Variants in LRP1 observed in about 807,000 individuals in gnomAD.
The protein encoded by LRP1 is LDL receptor related protein 1, also known as prolow-density lipoprotein receptor-related protein 1.
Under a neutral mutation model 541.5 loss-of-function variants are expected in LRP1, and 51 were observed. The observed-to-expected ratio is 0.09, with a 90% CI of 0.08 to 0.12. The LOEUF is 0.12. LRP1 is among the 10% of genes least tolerant of loss of function. LRP1 has a pLI of 1.00. For synonymous variants in LRP1, 2,219 were observed against 2,470.8 expected (o/e 0.90, Z 3.02); for missense variants, 3,878 against 6,376.2 (o/e 0.61, Z 13.34).
In LRP1 at chr12:57,212,484, G is replaced by A. The variant is rs138665231; in HGVS notation, c.13564G>A (p.Ala4522Thr). The change falls in exon 89 of 89, where the codon GCC becomes ACC. Residue 4522 changes from alanine to threonine, a missense_variant. Ala to Thr is a moderately conservative substitution (Grantham distance 58, BLOSUM62 0). Coordinates refer to ENST00000243077, the MANE Select transcript of LRP1 (RefSeq NM_002332.3). This position sits in a 1 kb window ranked among gnomAD's most constrained non-coding sequence, Gnocchi z 5.0. ...MGGHGSRHSLASTDEKRELLG... is the reference protein window; with the variant it reads ...MGGHGSRHSLTSTDEKRELLG... ...GGGCCATGGCAGTCGCCACTCCCTG[G>A]CCAGCACGGACGAGAAGCGAGAACT... 3 of 1,614,068 alleles carry A rather than the reference G, an allele frequency of 1.9e-6. No individual in the cohort carries two copies. Among genetic ancestry groups the A allele is most frequent in the Non-Finnish European group, 1.7e-6 (2 of 1,179,986 alleles).
chr12:57,175,814 C>T, intron 23 of LRP1, 95 bp from the exon 24 acceptor site: 1 of 1,567,102 alleles, frequency 6.4e-7, no homozygotes, highest in Non-Finnish European at 8.7e-7. Context: ...CCCTAGCCCC[C>T]AGTGCCCGGA....
In LRP1 at chr12:57,187,416, G is replaced by C; in HGVS notation, c.6991G>C (p.Asp2331His). The change falls in exon 42 of 89, where the codon GAT (aspartate) becomes CAT (histidine). Residue 2331 changes from aspartate (D) to histidine (H), a missense_variant. Asp to His is a moderately conservative substitution (Grantham distance 81, BLOSUM62 -1). Around this residue, in one of 13 missense-constraint regions of LRP1, gnomAD observed 1,100 missense variants for 1,827.4 expected, o/e 0.60. Transcript: ENST00000243077. ...TGAGACCGTCATCACTATGTCTGGA[G>C]ATGACCACCCACGGGCCTTCGTTTT... is the stretch of plus-strand genomic sequence containing the variant. ...ERETVITMSG[D>H]DHPRAFVLDE... 1 of 1,614,148 alleles carries C rather than the reference G, an allele frequency of 6.2e-7. No individual in the cohort carries two copies. Among genetic ancestry groups the C allele is most frequent in the South Asian group, 1.1e-5 (1 of 91,080 alleles).
Position 57,158,499 on chromosome 12 carries a change from C to A in LRP1, c.1659C>A (p.Ile553=). 6.2e-7 allele frequency: 1 copy of A among 1,614,194 alleles called. No individual in the cohort carries two copies. The highest frequency in any genetic ancestry group is 1.6e-4 in the Middle Eastern group (1 of 6,062). Reference sequence around the variant, plus strand: ...CCAAGGTCCCGGATGAGCACATGATCCCCATTGAAAACCTCATGAACCCCC... The same window carrying A: ...CCAAGGTCCCGGATGAGCACATGATACCCATTGAAAACCTCATGAACCCCC... The part of the protein sequence containing the change: ...MGAKVPDEHM[I]PIENLMNPRA... Residue 553 remains isoleucine (I), a synonymous_variant, in exon 11 of 89, where the codon ATC becomes ATA. Coordinates refer to ENST00000243077, the MANE Select transcript of LRP1 (RefSeq NM_002332.3). The surrounding 1 kb of genome is among the most constrained non-coding windows in gnomAD (Gnocchi z 5.3).
In LRP1 at chr12:57,156,047, G is replaced by T. The variant is rs1485476706; in HGVS notation, c.1228-47G>T. 1 of 1,512,284 alleles carries T rather than the reference G, an allele frequency of 6.6e-7. No homozygotes were observed. Among genetic ancestry groups the T allele is most frequent in the Non-Finnish European group, 9.1e-7 (1 of 1,095,742 alleles). The allele number at this position is 1,512,284 out of a possible 1,614,324, so 93.7% of individuals were successfully genotyped here. ...TGAGGGGATCTCCAGGACAGAGGGA[G>T]GAACCCCTGTCATCTCATGCTGTCC... On this transcript the variant is annotated intron_variant, in intron 8 of 88. Transcript: ENST00000243077. This position sits in a 1 kb window ranked among gnomAD's most constrained non-coding sequence, Gnocchi z 5.2.
intron 17 of LRP1, 123 bp from the exon 18 acceptor site, chr12:57,166,807 C>G: frequency 2.9e-6 from 2 of 683,942 alleles, no homozygotes; most frequent in Non-Finnish European, 5.3e-6. Context: ...TTTGAATTCT[C>G]TAAGAGAAAT....
Position 57,154,136 on chromosome 12 carries a change from C to A in LRP1, c.842-72C>A. On this transcript the variant is annotated intron_variant, in intron 6 of 88. Transcript: ENST00000243077. This position sits in a 1 kb window ranked among gnomAD's most constrained non-coding sequence, Gnocchi z 4.6. ...AGGTGGGCTTCCAGGTGTGGGTTCT[C>A]ACCAGCAAAGGGTGGGCATCTCTGC... The A allele has an allele frequency of 6.8e-7, 1 of 1,473,668 alleles. No homozygotes were observed. Among genetic ancestry groups the A allele is most frequent in the Non-Finnish European group, 9.4e-7 (1 of 1,069,362 alleles). The allele number at this position is 1,473,668 out of a possible 1,614,324, so 91.3% of individuals were successfully genotyped here.
In LRP1 at chr12:57,190,988, G is replaced by T; in HGVS notation, c.7215G>T (p.Glu2405Asp). The T allele has an allele frequency of 6.2e-7, 1 of 1,611,556 alleles. No individual in the cohort carries two copies. Among genetic ancestry groups the T allele is most frequent in the South Asian group, 1.1e-5 (1 of 91,052 alleles). The stretch of plus-strand genomic sequence containing the variant: ...CCCTGGACAAGATCGAGCGGTGCGA[G>T]TATGACGGCTCCCACCGCTATGTGA... ...DATLDKIERC[E>D]YDGSHRYVIL... The change falls in exon 43 of 89, where the codon GAG becomes GAT. Residue 2405 changes from glutamate (E) to aspartate (D), a missense_variant. This residue lies in a region of LRP1 where 1,100 missense variants were observed against 1,827.4 expected (regional missense o/e 0.60). Transcript: ENST00000243077.
chr12:57,153,232 G>A (rs2035558408), intron 6 of LRP1, among the ~76,000 whole-genome samples: 1 of 152,040 alleles, frequency 6.6e-6, no homozygotes, highest in African/African-American at 2.4e-5. Flanking sequence ...ATGGAAGGAA[G>A]CCAGTGGTCC....
In LRP1 at chr12:57,197,774, T is replaced by A; in HGVS notation, c.9282+110T>A. On this transcript the variant is annotated intron_variant, in intron 58 of 88. Transcript: ENST00000243077. The surrounding 1 kb of genome is among the most constrained non-coding windows in gnomAD (Gnocchi z 4.5). ...CCAAATTGCTTCCTTCTCACTCCAC[T>A]AGTCACTATATGACTGCTTGTTCTA... The A allele has an allele frequency of 7.9e-7, 1 of 1,260,356 alleles. No individual in the cohort carries two copies. The highest frequency in any genetic ancestry group is 1.1e-6 in the Non-Finnish European group (1 of 903,274). 78.1% of individuals were successfully genotyped at this position (1,260,356 alleles called of 1,614,324 possible). A position where few individuals can be genotyped will look rare whatever the true frequency, so the allele number is the denominator to read the frequency against.
In LRP1 at chr12:57,184,759, C is replaced by T; in HGVS notation, c.6187-80C>T. 6.7e-7 allele frequency: 1 copy of T among 1,490,714 alleles called. No homozygotes were observed. Among genetic ancestry groups the T allele is most frequent in the African/African-American group, 1.4e-5 (1 of 72,566 alleles). The allele number at this position is 1,490,714 out of a possible 1,614,324, so 92.3% of individuals were successfully genotyped here. A position where few individuals can be genotyped will look rare whatever the true frequency, so the allele number is the denominator to read the frequency against. On this transcript the variant is annotated intron_variant, in intron 38 of 88. Coordinates refer to ENST00000243077, the MANE Select transcript of LRP1 (RefSeq NM_002332.3). This position sits in a 1 kb window ranked among gnomAD's most constrained non-coding sequence, Gnocchi z 7.8. ...CTGAACTGAGGGCCTCACTCTGGCC[C>T]AGGCACTCCCTGCTGCCCCAGACAT...
rs2036957239 is a variant in LRP1, at chr12:57,213,252, G to A, written c.*697G>A. On this transcript the variant is annotated 3_prime_UTR_variant, in exon 89 of 89. Coordinates refer to ENST00000243077, the MANE Select transcript of LRP1 (RefSeq NM_002332.3). Reference sequence around the variant, plus strand: ...CACACCCAGGAAGGGAAAGCGGGCAGCCCCGTTTTGGGGACGTGAACGTTT... The same window carrying A: ...CACACCCAGGAAGGGAAAGCGGGCAACCCCGTTTTGGGGACGTGAACGTTT... 1 of 149,976 alleles carries A rather than the reference G, an allele frequency of 6.7e-6. No homozygotes were observed. Among genetic ancestry groups the A allele is most frequent in the Non-Finnish European group, 1.5e-5 (1 of 67,852 alleles). The allele number at this position is 149,976 out of a possible 1,614,324, so 9.3% of individuals were successfully genotyped here.
rs1335852678 is a variant in LRP1 at position 57,213,361 on chromosome 12, A to G, written c.*806A>G. 3.7e-5 allele frequency: 2 copies of G among 54,382 alleles called. No homozygotes were observed. Among genetic ancestry groups the G allele is most frequent in the Admixed American group, 3.4e-4 (1 of 2,974 alleles). The allele number at this position is 54,382 out of a possible 1,614,324, so 3.4% of individuals were successfully genotyped here. On this transcript the variant is annotated 3_prime_UTR_variant, in exon 89 of 89. Coordinates refer to ENST00000243077, the MANE Select transcript of LRP1 (RefSeq NM_002332.3). ...ATTGTAAAAAAAAAAAAAAAAAAAA[A>G]GGCCAAAAAAAAAAAAAAGAAAGAA...
intron 19 of LRP1, 145 bp from the exon 20 acceptor site, chr12:57,168,995 G>A (rs2035891650): frequency 1.5e-6 from 1 of 689,398 alleles, no homozygotes; most frequent in South Asian, 1.8e-5. Flanking sequence ...TGCAGTTTCT[G>A]TGTCTTTTCT....
chr12:57,185,897 C>A lies in LRP1; in HGVS notation c.6830C>A (p.Thr2277Asn). Residue 2277 changes from threonine to asparagine, a missense_variant, in exon 41 of 89, where the codon ACC (threonine) becomes AAC (asparagine). Thr to Asn is a moderately conservative substitution (Grantham distance 65, BLOSUM62 0). This residue lies in a region of LRP1 where 1,100 missense variants were observed against 1,827.4 expected (regional missense o/e 0.60). Coordinates refer to ENST00000243077, the MANE Select transcript of LRP1 (RefSeq NM_002332.3). The surrounding 1 kb of genome is among the most constrained non-coding windows in gnomAD (Gnocchi z 4.9). ...QINDDGSRRI[T>N]IVENVGSVEG... Reference sequence around the variant, plus strand: ...AACGACGATGGCTCCAGGAGGATCACCATTGTGGAAAGTGAGCCCAGACCC... The same window carrying A: ...AACGACGATGGCTCCAGGAGGATCAACATTGTGGAAAGTGAGCCCAGACCC... The A allele has an allele frequency of 6.2e-7, 1 of 1,612,658 alleles. No individual in the cohort carries two copies. The highest frequency in any genetic ancestry group is 8.5e-7 in the Non-Finnish European group (1 of 1,178,966).
At chr12:57,193,099 A>G (rs887071564) in intron 45 of LRP1, 77 bp from the exon 46 acceptor site, 18 of 1,592,810 alleles carry the variant, frequency 1.1e-5, no homozygotes, top group Middle Eastern at 1.7e-4. Flanking sequence ...TGATGACCTC[A>G]GCTCCCCGGG....
At position 57,173,212 on chromosome 12, in the gene LRP1, C is replaced by A; in HGVS notation, c.3208C>A (p.Arg1070=). The change falls in exon 21 of 89, where the codon CGG becomes AGG. Residue 1070 remains arginine (R), a synonymous_variant. Coordinates refer to ENST00000243077, the MANE Select transcript of LRP1 (RefSeq NM_002332.3). The surrounding 1 kb of genome is among the most constrained non-coding windows in gnomAD (Gnocchi z 4.7). ...CTGCCACACTGATGAGTTCCAGTGC[C>A]GGCTGGATGGACTATGCATCCCCCT... ...GGCHTDEFQC[R]LDGLCIPLRW... is the part of the protein sequence containing the mutation. 6.2e-7 allele frequency: 1 copy of A among 1,613,682 alleles called. No individual in the cohort carries two copies. Among genetic ancestry groups the A allele is most frequent in the Non-Finnish European group, 8.5e-7 (1 of 1,179,886 alleles).
intron 67 of LRP1, 121 bp from the exon 68 acceptor site, chr12:57,202,300 G>GCTGAC: frequency 1.3e-6 from 1 of 799,146 alleles, no homozygotes; most frequent in Admixed American, 1.7e-5. Context: ...GCTCCCCGCG[G>GCTGAC]CTGACCCTTC....
intron 42 of LRP1, 121 bp downstream of exon 42, chr12:57,187,577 T>TC (rs1799738): frequency 0.31 from 291,719 of 929,388 alleles, 50,588 homozygotes; most frequent in African/African-American, 0.48. Flanking sequence ...GCTCCACCCT[T>TC]CCCTGCTGTG....
At position 57,180,429 on chromosome 12, in the gene LRP1, T is replaced by C; in HGVS notation, c.5336T>C (p.Ile1779Thr). ...CNLDGSGLEVIDAMRSQLGKA... is the reference protein window; with the variant it reads ...CNLDGSGLEVTDAMRSQLGKA... ...CTGGATGGGAGTGGGCTGGAGGTCA[T>C]CGATGCCATGCGGAGCCAGCTGGGC... The change falls in exon 32 of 89, where the codon ATC becomes ACC. Residue 1779 changes from isoleucine (I) to threonine (T), a missense_variant. Ile to Thr is a moderately conservative substitution (Grantham distance 89). Around this residue, in one of 13 missense-constraint regions of LRP1, gnomAD observed 394 missense variants for 635.9 expected, o/e 0.62. Coordinates refer to ENST00000243077, the MANE Select transcript of LRP1 (RefSeq NM_002332.3). 6.2e-7 allele frequency: 1 copy of C among 1,614,122 alleles called. No homozygotes were observed. Among genetic ancestry groups the C allele is most frequent in the Non-Finnish European group, 8.5e-7 (1 of 1,180,036 alleles).
Sources: gnomAD v4.1 joint callset for allele counts (sites outside exome capture counted in the v4.1 genomes callset) on GRCh38, gnomAD v4.1.1 for gene constraint, gnomAD v4.1.1 regional missense constraint, Gnocchi (gnomAD v3.1) non-coding constraint, MANE v1.5 for transcripts, NCBI Gene and HGNC (gene_info 2026-07-23, HGNC 2026-07-21) for gene names.